OPHN1: variants seen among roughly 807,000 people sequenced by gnomAD.
OPHN1 encodes oligophrenin 1, also known as oligophrenin-1.
OPHN1 carries 11 observed loss-of-function variants against 60.7 expected under a neutral mutation model. The observed-to-expected ratio is 0.18, with a 90% confidence interval of 0.11 to 0.30. The LOEUF is 0.30. OPHN1 is among the 10% of genes least tolerant of loss of function. OPHN1 has a pLI of 1.00. For missense variants in OPHN1, 449 were observed against 611.0 expected (o/e 0.73, Z 2.80); for synonymous variants, 226 against 222.6 (o/e 1.02, Z -0.14).
chrX:68,112,126 C>CAG (rs2077108059), intron 17 of OPHN1, among the ~76,000 whole-genome samples, 167 bp from the exon 18 acceptor site: 1 of 106,914 alleles, frequency 9.4e-6, no homozygotes, highest in African/African-American at 3.5e-5. Context: ...GAGACACACA[C>CAG]AGAGAGAGAG....
At chrX:68,243,993 C>G (rs769329265) in intron 5 of OPHN1, among the ~76,000 whole-genome samples, 18 of 112,091 alleles carry the variant, frequency 1.6e-4, no homozygotes, top group Non-Finnish European at 3.4e-4. Flanking sequence ...TTAAAAACTT[C>G]CAGGACTCCA....
chrX:68,275,525 G>A (rs1426346851), intron 4 of OPHN1, among the ~76,000 whole-genome samples: 4 of 111,189 alleles, frequency 3.6e-5, no homozygotes, highest in Non-Finnish European at 7.5e-5. Flanking sequence ...GCAACAAGTG[G>A]GGTTTGTGCC....
chrX:68,216,124 T>G (rs2094391), intron 6 of OPHN1, among the ~76,000 whole-genome samples: 37 of 111,563 alleles, frequency 3.3e-4, no homozygotes, highest in Non-Finnish European at 5.7e-4. Flanking sequence ...AATAGTCTGT[T>G]GATCCTGTAC....
At chrX:68,293,622 A>G (rs181721032) in intron 3 of OPHN1, among the ~76,000 whole-genome samples, 150 of 112,397 alleles carry the variant, frequency 1.3e-3, no homozygotes, top group African/African-American at 4.6e-3. Context: ...AGCAAGGTAG[A>G]TGCACAGAAT....
intron 2 of OPHN1, among the ~76,000 whole-genome samples, chrX:68,379,124 A>G (rs1487991516): frequency 9.0e-6 from 1 of 110,879 alleles, no homozygotes; most frequent in Non-Finnish European, 1.9e-5. Context: ...AGTGGTTTGT[A>G]GTTCTCCTTG....
intron 15 of OPHN1, among the ~76,000 whole-genome samples, chrX:68,125,954 T>TATATATATATACATATATATATAC (rs1262640434): frequency 1.8e-5 from 1 of 55,824 alleles, no homozygotes; most frequent in Non-Finnish European, 3.5e-5. Flanking sequence ...TATATATATA[T>TATATATATATACATATATATATAC]ATACATACAC....
chrX:68,193,023 A>C (rs765958771), intron 14 of OPHN1, 30 bp from the exon 15 acceptor site: 1 of 1,103,952 alleles, frequency 9.1e-7, no homozygotes, highest in Admixed American at 2.2e-5. Context: ...GGTTAATTTC[A>C]CTTGTATAGC....
intron 2 of OPHN1, among the ~76,000 whole-genome samples, chrX:68,323,329 C>T (rs1183392855): frequency 9.0e-6 from 1 of 111,576 alleles, no homozygotes; most frequent in East Asian, 2.8e-4. Context: ...CAGAAACATG[C>T]TTACTTCAGA....
At chrX:68,066,529 T>C (rs1307568556) in intron 20 of OPHN1, among the ~76,000 whole-genome samples, 1 of 111,546 alleles carries the variant, frequency 9.0e-6, no homozygotes, top group Non-Finnish European at 1.9e-5. Flanking sequence ...AAACTATTTC[T>C]AGGTTCTGGG....
intron 2 of OPHN1, among the ~76,000 whole-genome samples, chrX:68,415,246 A>T (rs2078788398): frequency 8.9e-6 from 1 of 111,982 alleles, no homozygotes; most frequent in African/African-American, 3.2e-5. Context: ...CCATTTTGAA[A>T]AGGTACCATG....
chrX:68,102,332 C>G (rs1443291715), intron 18 of OPHN1, among the ~76,000 whole-genome samples: 2 of 111,874 alleles, frequency 1.8e-5, no homozygotes, highest in South Asian at 3.7e-4. Context: ...CCAATGAGAA[C>G]AAAGACACAA....
intron 6 of OPHN1, among the ~76,000 whole-genome samples, chrX:68,218,105 C>T (rs1481620940): frequency 1.2e-5 from 1 of 85,306 alleles, no homozygotes; most frequent in Non-Finnish European, 2.4e-5. Flanking sequence ...GAGCTGAAAA[C>T]CAAGGCTCGA....
intron 15 of OPHN1, among the ~76,000 whole-genome samples, chrX:68,189,073 A>C (rs182168055): frequency 7.1e-4 from 80 of 112,247 alleles, no homozygotes; most frequent in African/African-American, 2.6e-3. Flanking sequence ...GTTTAGATCC[A>C]TAGGCCTCTG....
chrX:68,215,875 A>G (rs1056355900), intron 6 of OPHN1, among the ~76,000 whole-genome samples: 4 of 112,027 alleles, frequency 3.6e-5, no homozygotes, highest in Non-Finnish European at 5.6e-5. Context: ...AAAGGACAAA[A>G]GATCTCCAGT....
chrX:68,100,258 T>TACATACACGC (rs1444502848), intron 18 of OPHN1, among the ~76,000 whole-genome samples: 2 of 109,453 alleles, frequency 1.8e-5, no homozygotes, highest in Admixed American at 9.8e-5. Flanking sequence ...TATACATACA[T>TACATACACGC]ACATACACGC....
chrX:68,225,025 A>C (rs915397841), intron 6 of OPHN1, among the ~76,000 whole-genome samples: 1 of 112,233 alleles, frequency 8.9e-6, no homozygotes, highest in Non-Finnish European at 1.9e-5. Flanking sequence ...TCCCACCCTA[A>C]TACTGCGCTT....
At chrX:68,084,492 A>G (rs1278866587) in intron 19 of OPHN1, among the ~76,000 whole-genome samples, 1 of 110,047 alleles carries the variant, frequency 9.1e-6, no homozygotes, top group Non-Finnish European at 1.9e-5. Flanking sequence ...ATAGGGAGTG[A>G]AGCAGTTACA....
Position 68,053,613 on chromosome X carries a change from T to C in OPHN1, c.2324+32A>G. ...CATTCCTAGTGGCCTAGTACAGGAC[T>C]TCAGTCAACTTTGAGGTACAACCCT... On this transcript the variant is annotated intron_variant, in intron 22 of 24. Coordinates refer to ENST00000355520, the MANE Select transcript of OPHN1 (RefSeq NM_002547.3). 3.3e-6 allele frequency: 4 copies of C among 1,201,651 alleles called. No individual in the cohort carries two copies. In the South Asian group the frequency reaches 7.1e-5, roughly 21 times the overall value.
chrX:68,053,821 A>C lies in OPHN1; in HGVS notation c.2159-11T>G. ...AACTGTCAGCATCCCCTGGAAGAGAAAATGATACCAGGAACTTGGATGGTT... is the reference window on the plus strand; with the variant it reads ...AACTGTCAGCATCCCCTGGAAGAGACAATGATACCAGGAACTTGGATGGTT... On this transcript the variant is annotated splice_polypyrimidine_tract_variant and intron_variant, in intron 21 of 24. Coordinates refer to ENST00000355520, the MANE Select transcript of OPHN1 (RefSeq NM_002547.3). 8.3e-7 allele frequency: 1 copy of C among 1,206,815 alleles called. No homozygotes were observed. Among genetic ancestry groups the C allele is most frequent in the African/African-American group, 1.7e-5 (1 of 57,552 alleles).
Sources: gnomAD v4.1 joint callset for allele counts (sites outside exome capture counted in the v4.1 genomes callset) on GRCh38, gnomAD v4.1.1 for gene constraint, MANE v1.5 for transcripts, NCBI Gene and HGNC (gene_info 2026-07-23, HGNC 2026-07-21) for gene names.